The following MYRFL variants were observed in gnomAD, a reference collection of about 807,000 sequenced individuals.
MYRFL encodes myelin regulatory factor-like protein.
Under a neutral mutation model 109.4 loss-of-function variants are expected in MYRFL, and 88 were observed. The ratio of observed to expected loss-of-function variants is 0.80; its 90% CI spans 0.68 to 0.96. MYRFL has a LOEUF of 0.96. MYRFL is among the 40% of genes least tolerant of loss of function. MYRFL has a pLI of 0.00. For synonymous variants in MYRFL, 324 were observed against 320.9 expected (o/e 1.01, Z -0.10); for missense variants, 957 against 954.9 (o/e 1.00, Z -0.03).
intron 5 of MYRFL, among the ~76,000 whole-genome samples, chr12:69,882,589 A>T (rs562225087): frequency 2.8e-4 from 43 of 152,284 alleles, no homozygotes; most frequent in Non-Finnish European, 4.6e-4. Flanking sequence ...CAAGTAGTAC[A>T]CTTTGGCCAA....
intron 2 of MYRFL, among the ~76,000 whole-genome samples, chr12:69,856,312 G>A (rs1401308430): frequency 1.3e-5 from 2 of 152,044 alleles, no homozygotes; most frequent in Non-Finnish European, 2.9e-5. Flanking sequence ...TCTGTTCAAG[G>A]ACATTTGAAT....
chr12:69,936,671 C>G (rs753472806), intron 19 of MYRFL, 39 bp downstream of exon 19: 1 of 1,435,946 alleles, frequency 7.0e-7, no homozygotes. Flanking sequence ...GAGCTTTGAA[C>G]TTGAGGTTGT....
intron 2 of MYRFL, among the ~76,000 whole-genome samples, chr12:69,872,074 A>G (rs951552709): frequency 7.7e-6 from 1 of 130,176 alleles, no homozygotes; most frequent in Admixed American, 7.4e-5. Context: ...CTCTGTTATT[A>G]AGTACATAAA....
At chr12:69,936,024 T>G (rs1955443138) in intron 16 of MYRFL, 89 bp from the exon 17 acceptor site, 2 of 1,434,006 alleles carry the variant, frequency 1.4e-6, no homozygotes, top group Non-Finnish European at 1.8e-6. Context: ...TGAGAGTACA[T>G]CTCTGGCCAG....
chr12:69,893,146 G>A (rs7135345), intron 7 of MYRFL, among the ~76,000 whole-genome samples: 24,138 of 152,068 alleles, frequency 0.16, 2,481 homozygotes, highest in African/African-American at 0.29. Context: ...CTTGATGTAG[G>A]CCACCAGTTG....
At chr12:69,922,726 A>C (rs1227669996) in intron 13 of MYRFL, among the ~76,000 whole-genome samples, 1 of 152,214 alleles carries the variant, frequency 6.6e-6, no homozygotes, top group Non-Finnish European at 1.5e-5. Flanking sequence ...AATGTACAGT[A>C]ATTTCTTAAT....
intron 1 of MYRFL, among the ~76,000 whole-genome samples, chr12:69,844,333 A>T (rs1307124838): frequency 6.6e-6 from 1 of 152,180 alleles, no homozygotes. Context: ...AGCAGGTGAC[A>T]CAGGAGTCAG....
chr12:69,839,100 G>A (rs934893888), intron 1 of MYRFL, among the ~76,000 whole-genome samples: 5 of 152,108 alleles, frequency 3.3e-5, no homozygotes, highest in East Asian at 1.9e-4. Context: ...CTAAAGGAAC[G>A]TAGATCCATA....
chr12:69,833,575 G>T (rs1322437160), intron 1 of MYRFL, among the ~76,000 whole-genome samples: 1 of 152,136 alleles, frequency 6.6e-6, no homozygotes, highest in Non-Finnish European at 1.5e-5. Context: ...TTCTTAATTT[G>T]CACAACACAA....
At chr12:69,856,199 G>A (rs548794532) in intron 2 of MYRFL, among the ~76,000 whole-genome samples, 167 of 152,160 alleles carry the variant, frequency 1.1e-3, no homozygotes, top group African/African-American at 3.8e-3. Context: ...CTTTCAGTCT[G>A]CCTCCTTTCA....
chr12:69,950,688 A>G (rs1017742336), intron 19 of MYRFL, among the ~76,000 whole-genome samples: 3 of 152,158 alleles, frequency 2.0e-5, no homozygotes, highest in Admixed American at 6.5e-5. Context: ...GAAAACTGGT[A>G]TTTAGCATTG....
chr12:69,868,405 G>A (rs868487205), intron 2 of MYRFL, among the ~76,000 whole-genome samples: 3 of 152,136 alleles, frequency 2.0e-5, no homozygotes, highest in South Asian at 2.1e-4. Flanking sequence ...GAGCCACCGC[G>A]CCAGACCAAA....
intron 6 of MYRFL, among the ~76,000 whole-genome samples, chr12:69,888,546 A>C (rs1886597872): frequency 6.6e-6 from 1 of 152,230 alleles, no homozygotes; most frequent in African/African-American, 2.4e-5. Context: ...TCAGAAGCAG[A>C]ATCGCCATTC....
At chr12:69,891,662 T>TTTCTTTCTTTCTTTCTTTCGTTCTTTCG (rs1886882370) in intron 7 of MYRFL, among the ~76,000 whole-genome samples, 1 of 102,126 alleles carries the variant, frequency 9.8e-6, no homozygotes, top group African/African-American at 4.3e-5. Flanking sequence ...TCTTTCTTTC[T>TTTCTTTCTTTCTTTCTTTCGTTCTTTCG]TTCTTTCTTT....
intron 10 of MYRFL, among the ~76,000 whole-genome samples, chr12:69,898,238 T>G (rs1954066015): frequency 6.6e-6 from 1 of 152,248 alleles, no homozygotes; most frequent in South Asian, 2.1e-4. Flanking sequence ...CAAAGGGACC[T>G]CTGTAATTCC....
chr12:69,902,416 G>A (rs951602496), intron 10 of MYRFL, among the ~76,000 whole-genome samples: 3 of 152,142 alleles, frequency 2.0e-5, no homozygotes, highest in African/African-American at 7.2e-5. Flanking sequence ...ATAGTGAAAG[G>A]TGAATCTCCC....
intron 19 of MYRFL, among the ~76,000 whole-genome samples, chr12:69,939,580 A>G (rs952024142): frequency 6.6e-6 from 1 of 152,142 alleles, no homozygotes; most frequent in Non-Finnish European, 1.5e-5. Context: ...GAAAAAAACC[A>G]CAAAGATGGG....
chr12:69,948,742 A>C (rs1955899299), intron 19 of MYRFL, among the ~76,000 whole-genome samples: 1 of 152,212 alleles, frequency 6.6e-6, no homozygotes, highest in African/African-American at 2.4e-5. Flanking sequence ...GAAACTCCTC[A>C]TATATCAGGA....
intron 22 of MYRFL, 100 bp from the exon 23 acceptor site, chr12:69,957,722 A>G: frequency 3.6e-6 from 5 of 1,371,324 alleles, no homozygotes; most frequent in Non-Finnish European, 3.8e-6. Context: ...ATGGATTTCC[A>G]AGTTACGTTC....
Sources: allele counts gnomAD v4.1 joint callset (sites outside exome capture counted in the v4.1 genomes callset), GRCh38; gene constraint gnomAD v4.1.1; transcripts MANE v1.5; gene names NCBI Gene and HGNC (gene_info 2026-07-23, HGNC 2026-07-21).